The following NELL2 variants were observed in gnomAD, a reference collection of about 807,000 sequenced individuals.
The protein encoded by NELL2 is protein kinase C-binding protein NELL2.
In NELL2, 41 loss-of-function variants were observed where a neutral mutation model predicts 109.6. The observed-to-expected ratio is 0.37, with a 90% confidence interval of 0.29 to 0.49. The LOEUF is 0.49. NELL2 is among the 20% of genes least tolerant of loss of function. NELL2 has a pLI of 0.98. For missense variants in NELL2, 900 were observed against 1,008.3 expected, an observed-to-expected ratio of 0.89 and a Z score of 1.45; for synonymous variants, 355 against 344.7, an observed-to-expected ratio of 1.03 and a Z score of -0.33.
intron 14 of NELL2, among the ~76,000 whole-genome samples, chr12:44,610,266 A>C (rs940703275): frequency 1.3e-5 from 2 of 151,792 alleles, no homozygotes; most frequent in East Asian, 3.9e-4. Context: ...AAAAAAAAAA[A>C]CTGTCCTACT....
intron 15 of NELL2, among the ~76,000 whole-genome samples, chr12:44,605,560 C>T (rs1428139699): frequency 6.6e-6 from 1 of 152,148 alleles, no homozygotes; most frequent in Non-Finnish European, 1.5e-5. Flanking sequence ...TTAAATATTA[C>T]ATTGCCAGTA....
chr12:44,696,465 TG>T (rs1949065499), intron 12 of NELL2, among the ~76,000 whole-genome samples: 1 of 152,228 alleles, frequency 6.6e-6, no homozygotes. Context: ...ATTGTGAAGA[TG>T]GGGAAACTTC....
intron 13 of NELL2, among the ~76,000 whole-genome samples, chr12:44,629,273 T>C (rs1946370145): frequency 6.6e-6 from 1 of 152,174 alleles, no homozygotes; most frequent in Non-Finnish European, 1.5e-5. Flanking sequence ...CTTCAGAAAA[T>C]CATTTTGAAA....
Position 44,867,955 on chromosome 12 carries a change from A to C in NELL2, c.184+7270T>G, listed in dbSNP as rs577271142. Among the ~76,000 whole-genome samples, 3 of 152,058 alleles carry C rather than the reference A, an allele frequency of 2.0e-5. No homozygotes were observed. The East Asian group carries it at 5.8e-4, about 29-fold the overall frequency. On this transcript the variant is annotated intron_variant, in intron 2 of 19. Coordinates refer to ENST00000429094, the MANE Select transcript of NELL2 (RefSeq NM_001145108.2). Reference sequence around the variant, plus strand: ...GCCAACATGGTGAAACCCTGTCTCTACTAAAAATACAAAAATTAGCCGGGT... The same window carrying C: ...GCCAACATGGTGAAACCCTGTCTCTCCTAAAAATACAAAAATTAGCCGGGT...
intron 1 of NELL2, among the ~76,000 whole-genome samples, chr12:44,893,456 T>G (rs2136871937): frequency 6.6e-6 from 1 of 152,326 alleles, no homozygotes; most frequent in East Asian, 1.9e-4. Context: ...AATAATAATT[T>G]CACATATAGG....
chr12:44,863,306 A>C (rs1944895832), intron 2 of NELL2, among the ~76,000 whole-genome samples: 1 of 152,234 alleles, frequency 6.6e-6, no homozygotes. Context: ...AGATACAGAA[A>C]GGTCAACAGT....
intron 15 of NELL2, among the ~76,000 whole-genome samples, chr12:44,579,329 T>C (rs1483454058): frequency 6.6e-6 from 1 of 152,166 alleles, no homozygotes; most frequent in Non-Finnish European, 1.5e-5. Context: ...TCAGATTATG[T>C]TCCCCCAAAT....
At chr12:44,770,114 C>A (rs7298041) in intron 9 of NELL2, among the ~76,000 whole-genome samples, 4,810 of 152,116 alleles carry the variant, frequency 0.032, 253 homozygotes, top group African/African-American at 0.11. Flanking sequence ...AATAATGAAA[C>A]CATACCTCCC....
At chr12:44,889,639 T>A (rs1945511374) in intron 1 of NELL2, among the ~76,000 whole-genome samples, 2 of 152,020 alleles carry the variant, frequency 1.3e-5, no homozygotes, top group Admixed American at 6.5e-5. Context: ...ATATTCTTAG[T>A]GATATCCAGA....
intron 12 of NELL2, among the ~76,000 whole-genome samples, chr12:44,683,596 C>A (rs1232389184): frequency 6.6e-6 from 1 of 152,034 alleles, no homozygotes; most frequent in Non-Finnish European, 1.5e-5. Context: ...TACGTCCCAT[C>A]AATACCTAAT....
Position 44,824,520 on chromosome 12 carries a change from G to A in NELL2, c.185-8384C>T, listed in dbSNP as rs183715182. On this transcript the variant is annotated intron_variant, in intron 2 of 19. Coordinates refer to ENST00000429094, the MANE Select transcript of NELL2 (RefSeq NM_001145108.2). ...TTGAAGAGACTGTCCTTTCCCCCTC[G>A]TATGCTGTTGGCACTTTTGTTGAAA... Among the ~76,000 whole-genome samples the A allele has an allele frequency of 1.7e-3, 258 of 151,874 alleles. 1 individual carries two copies. The highest frequency in any genetic ancestry group is 5.7e-3 in the African/African-American group (236 of 41,422).
At chr12:44,553,189 C>T (rs1338389986) in intron 15 of NELL2, among the ~76,000 whole-genome samples, 1 of 149,246 alleles carries the variant, frequency 6.7e-6, no homozygotes. Context: ...TTAGTGGGTG[C>T]AGCGCACCAG....
At chr12:44,543,423 T>C (rs537793181) in intron 15 of NELL2, among the ~76,000 whole-genome samples, 3 of 152,314 alleles carry the variant, frequency 2.0e-5, no homozygotes, top group Admixed American at 2.0e-4. Flanking sequence ...CCTCCTACAG[T>C]GCATTCTGAA....
intron 9 of NELL2, among the ~76,000 whole-genome samples, chr12:44,764,946 C>T (rs999000396): frequency 6.6e-6 from 1 of 152,044 alleles, no homozygotes; most frequent in Non-Finnish European, 1.5e-5. Context: ...GTTCCATGAA[C>T]CAGCAGTGTT....
At chr12:44,539,100 TC>T (rs1044901476) in intron 15 of NELL2, among the ~76,000 whole-genome samples, 1 of 152,166 alleles carries the variant, frequency 6.6e-6, no homozygotes, top group African/African-American at 2.4e-5. Context: ...TTTGTCTGTT[TC>T]CCCCCATATT....
At chr12:44,795,576 T>C (rs2136640451) in intron 3 of NELL2, among the ~76,000 whole-genome samples, 1 of 152,312 alleles carries the variant, frequency 6.6e-6, no homozygotes, top group East Asian at 1.9e-4. Flanking sequence ...TTCTTAAGGC[T>C]GATTCTGTGA....
chr12:44,798,075 GA>G (rs1166168097), intron 3 of NELL2, among the ~76,000 whole-genome samples: 1 of 130,588 alleles, frequency 7.7e-6, no homozygotes, highest in Non-Finnish European at 1.8e-5. Flanking sequence ...TGGAATGATG[GA>G]ATAAAAGCAT....
intron 15 of NELL2, among the ~76,000 whole-genome samples, chr12:44,587,284 A>AAAAAAAAAAAAAAAATAT: frequency 6.9e-5 from 5 of 72,214 alleles, no homozygotes; most frequent in South Asian, 1.4e-3. Flanking sequence ...AAAAAAAAAA[A>AAAAAAAAAAAAAAAATAT]ATATATATAT....
intron 9 of NELL2, among the ~76,000 whole-genome samples, chr12:44,765,353 ATTTTT>A (rs543584677): frequency 6.6e-6 from 1 of 150,646 alleles, no homozygotes; most frequent in East Asian, 1.9e-4. Context: ...GCAGCCGAGA[ATTTTT>A]TTTTTAAGTT....
Sources: allele counts gnomAD v4.1 joint callset (sites outside exome capture counted in the v4.1 genomes callset), GRCh38; gene constraint gnomAD v4.1.1; transcripts MANE v1.5; gene names NCBI Gene and HGNC (gene_info 2026-07-23, HGNC 2026-07-21).